The following CLSTN2 variants were observed in gnomAD, a reference collection of about 807,000 sequenced individuals.
The protein encoded by CLSTN2 is calsyntenin 2.
CLSTN2 carries 48 observed loss-of-function variants against 101.2 expected under a neutral mutation model. The ratio of observed to expected loss-of-function variants is 0.47; its 90% CI spans 0.38 to 0.60. The LOEUF (loss-of-function observed/expected upper bound fraction) is 0.60. CLSTN2 is among the 20% of genes least tolerant of loss of function. The probability of loss-of-function intolerance (pLI) is 0.00; values close to 1 mark genes in which losing one functional copy is unlikely to be tolerated. For missense variants in CLSTN2, 1,160 were observed against 1,238.2 expected (o/e 0.94, Z 0.95); for synonymous variants, 481 against 463.6 (o/e 1.04, Z -0.48).
chr3:140,247,739 C>G (rs1420247174), intron 2 of CLSTN2, among the ~76,000 whole-genome samples: 5 of 152,130 alleles, frequency 3.3e-5, no homozygotes, highest in African/African-American at 1.2e-4. Context: ...AAAGACACCT[C>G]CATCCCTCAC....
intron 8 of CLSTN2, chr3:140,507,070 G>A (rs1357069904): frequency 2.6e-5 from 4 of 152,208 alleles, no homozygotes; most frequent in Admixed American, 1.3e-4. Flanking sequence ...GAGGAACATC[G>A]GGGGTTGAGC....
intron 1 of CLSTN2, among the ~76,000 whole-genome samples, chr3:140,147,969 A>G (rs1407162428): frequency 1.3e-5 from 2 of 152,352 alleles, no homozygotes; most frequent in South Asian, 2.1e-4. Context: ...CCTTGAAGGT[A>G]AAACCAGGGG....
chr3:140,032,570 C>A (rs2007576050), intron 1 of CLSTN2, among the ~76,000 whole-genome samples: 1 of 152,140 alleles, frequency 6.6e-6, no homozygotes, highest in African/African-American at 2.4e-5. Context: ...CTCCTGACCT[C>A]AGGTGATCTG....
chr3:140,224,281 A>G (rs1325552143), intron 2 of CLSTN2, among the ~76,000 whole-genome samples: 1 of 152,222 alleles, frequency 6.6e-6, no homozygotes, highest in Admixed American at 6.5e-5. Flanking sequence ...AGAAGACAGT[A>G]ACGATAGAAC....
At chr3:140,241,863 A>G in intron 2 of CLSTN2, among the ~76,000 whole-genome samples, 1 of 128,172 alleles carries the variant, frequency 7.8e-6, no homozygotes, top group South Asian at 2.5e-4. Context: ...ATACACATAT[A>G]TATACACATA....
chr3:139,974,799 C>T (rs1935787402), intron 1 of CLSTN2, among the ~76,000 whole-genome samples: 1 of 152,168 alleles, frequency 6.6e-6, no homozygotes, highest in Non-Finnish European at 1.5e-5. Context: ...TAATGCCTTG[C>T]ATGGTAATTT....
chr3:140,475,153 T>C (rs992606980), intron 8 of CLSTN2, among the ~76,000 whole-genome samples: 1 of 128,798 alleles, frequency 7.8e-6, no homozygotes, highest in Non-Finnish European at 1.9e-5. Context: ...GCTATGATTA[T>C]CAGCAAGTGA....
At chr3:139,970,872 A>G (rs1560057738) in intron 1 of CLSTN2, among the ~76,000 whole-genome samples, 1 of 152,188 alleles carries the variant, frequency 6.6e-6, no homozygotes, top group Non-Finnish European at 1.5e-5. Context: ...AGCTAAAGCT[A>G]AGGGAATGGT....
At chr3:140,385,146 G>A (rs1323200283) in intron 2 of CLSTN2, among the ~76,000 whole-genome samples, 1 of 152,136 alleles carries the variant, frequency 6.6e-6, no homozygotes, top group Non-Finnish European at 1.5e-5. Context: ...TGTGCTCAGT[G>A]ACTGGCAGTG....
intron 1 of CLSTN2, among the ~76,000 whole-genome samples, chr3:140,162,627 G>T (rs1402497171): frequency 1.3e-5 from 2 of 152,156 alleles, no homozygotes; most frequent in African/African-American, 4.8e-5. Context: ...GTATTTGGCT[G>T]GGTGGCGGGG....
At chr3:140,092,388 A>T (rs1487502247) in intron 1 of CLSTN2, among the ~76,000 whole-genome samples, 2 of 152,202 alleles carry the variant, frequency 1.3e-5, no homozygotes, top group Non-Finnish European at 2.9e-5. Context: ...TCATGGGAAG[A>T]AGCTGGTGTT....
intron 9 of CLSTN2, among the ~76,000 whole-genome samples, chr3:140,532,805 T>C (rs568931705): frequency 5.9e-4 from 90 of 152,278 alleles, no homozygotes; most frequent in Non-Finnish European, 1.1e-3. Context: ...AAAAACAGTA[T>C]AGAATCTTGT....
chr3:140,313,675 A>G (rs752863379), intron 2 of CLSTN2, among the ~76,000 whole-genome samples: 8 of 152,234 alleles, frequency 5.3e-5, no homozygotes, highest in Non-Finnish European at 1.2e-4. Context: ...TTCCCAGTGC[A>G]TCTATACCAG....
chr3:140,260,313 G>T (rs2086641109), intron 2 of CLSTN2, among the ~76,000 whole-genome samples: 1 of 151,892 alleles, frequency 6.6e-6, no homozygotes, highest in Non-Finnish European at 1.5e-5. Flanking sequence ...AACTATCACT[G>T]TGTCTTACAC....
chr3:140,457,719 T>C (rs1933440021), intron 6 of CLSTN2, among the ~76,000 whole-genome samples: 1 of 152,214 alleles, frequency 6.6e-6, no homozygotes, highest in Admixed American at 6.5e-5. Flanking sequence ...TGGGTGAATT[T>C]CCAGGAGCAT....
chr3:140,045,489 T>C (rs566842548), intron 1 of CLSTN2, among the ~76,000 whole-genome samples: 2 of 152,306 alleles, frequency 1.3e-5, no homozygotes, highest in South Asian at 4.1e-4. Flanking sequence ...CCTGGATTCA[T>C]TGATTTTTTG....
In CLSTN2 at chr3:140,449,203, A is replaced by G. The variant is rs529749680; in HGVS notation, c.973+499A>G. Among the ~76,000 whole-genome samples, 215 of 152,378 alleles carry G rather than the reference A, an allele frequency of 1.4e-3. 3 individuals are homozygous for G. Among genetic ancestry groups the G allele is most frequent in the Admixed American group, 0.013 (203 of 15,308 alleles). On this transcript the variant is annotated intron_variant, in intron 6 of 16. Coordinates refer to ENST00000458420, the MANE Select transcript of CLSTN2 (RefSeq NM_022131.3). Reference sequence around the variant, plus strand: ...ATTTGGGGCTCTTGTTCAAAAATTAACAAGAGTTTTACAACAGAGACAGCA... The same window carrying G: ...ATTTGGGGCTCTTGTTCAAAAATTAGCAAGAGTTTTACAACAGAGACAGCA...
At chr3:140,436,550 G>T (rs1283185782) in intron 5 of CLSTN2, among the ~76,000 whole-genome samples, 1 of 152,212 alleles carries the variant, frequency 6.6e-6, no homozygotes, top group Non-Finnish European at 1.5e-5. Context: ...TCCTCGGGGA[G>T]AGCCCCTTCT....
At chr3:140,150,390 T>A (rs551155775) in intron 1 of CLSTN2, among the ~76,000 whole-genome samples, 1 of 152,212 alleles carries the variant, frequency 6.6e-6, no homozygotes, top group Non-Finnish European at 1.5e-5. Flanking sequence ...ATCATTGGAT[T>A]GTTGTGAGTT....
Sources: allele counts gnomAD v4.1 joint callset (sites outside exome capture counted in the v4.1 genomes callset), GRCh38; gene constraint gnomAD v4.1.1; transcripts MANE v1.5; gene names NCBI Gene and HGNC (gene_info 2026-07-23, HGNC 2026-07-21).